The following SIPA1L1 variants were observed in gnomAD, a reference collection of about 807,000 sequenced individuals.
SIPA1L1 encodes the protein signal-induced proliferation-associated 1-like protein 1.
In SIPA1L1, 26 loss-of-function variants were observed where a neutral mutation model predicts 162.7. The ratio of observed to expected loss-of-function variants is 0.16; its 90% CI spans 0.12 to 0.22. The LOEUF is 0.22. Among genes scored for constraint, SIPA1L1 ranks in the 10% least tolerant of loss-of-function variants. SIPA1L1 has a pLI of 1.00. For missense variants in SIPA1L1, 1,874 were observed against 2,241.0 expected (o/e 0.84, Z 3.31); for synonymous variants, 829 against 837.4 (o/e 0.99, Z 0.17).
intron 14 of SIPA1L1, among the ~76,000 whole-genome samples, chr14:71,700,804 C>T (rs2082028872): frequency 6.6e-6 from 1 of 151,842 alleles, no homozygotes. Context: ...ATCATCCTGG[C>T]TAACATGGTG....
At position 71,587,967 on chromosome 14, in the gene SIPA1L1, A is replaced by G. The variant is rs1459966410; in HGVS notation, c.95A>G (p.Asp32Gly). ...GACGGCACCCCCAAAGTCCACACTG[A>G]TGATTTCTACATGCGGCGCTTCCGG... ...GTDGTPKVHT[D>G]DFYMRRFRSQ... Residue 32 changes from aspartate to glycine, a missense_variant, in exon 5 of 24, where the codon GAT (aspartate) becomes GGT (glycine). Transcript: ENST00000381232. The G allele has an allele frequency of 1.2e-6, 2 of 1,614,130 alleles. No individual in the cohort carries two copies. Among genetic ancestry groups the G allele is most frequent in the Non-Finnish European group, 8.5e-7 (1 of 1,179,986 alleles).
chr14:71,476,352 G>A (rs964894407), intron 2 of SIPA1L1, among the ~76,000 whole-genome samples: 1 of 152,104 alleles, frequency 6.6e-6, no homozygotes, highest in Non-Finnish European at 1.5e-5. Context: ...AAGAACTGTT[G>A]GGCTCTGTTG....
intron 2 of SIPA1L1, among the ~76,000 whole-genome samples, chr14:71,427,215 A>C (rs1307106509): frequency 6.6e-6 from 1 of 151,612 alleles, no homozygotes; most frequent in Non-Finnish European, 1.5e-5. Context: ...AGACGGGTCT[A>C]ATGGTAGTCA....
At chr14:71,569,038 C>A (rs2031380679) in intron 4 of SIPA1L1, among the ~76,000 whole-genome samples, 1 of 152,098 alleles carries the variant, frequency 6.6e-6, no homozygotes, top group Non-Finnish European at 1.5e-5. Flanking sequence ...CAATAGTTTT[C>A]AGTTTTATCG....
intron 2 of SIPA1L1, among the ~76,000 whole-genome samples, chr14:71,397,367 AC>A (rs2041287306): frequency 6.6e-6 from 1 of 152,000 alleles, no homozygotes; most frequent in Non-Finnish European, 1.5e-5. Context: ...GTCATGTCTC[AC>A]CTAAAAAATT....
chr14:71,466,090 A>G (rs1011440884), intron 2 of SIPA1L1, among the ~76,000 whole-genome samples: 2 of 152,162 alleles, frequency 1.3e-5, no homozygotes, highest in Non-Finnish European at 2.9e-5. Context: ...CTTCAATCCA[A>G]TCAAGTTGAC....
intron 2 of SIPA1L1, among the ~76,000 whole-genome samples, chr14:71,480,073 G>T (rs1159411732): frequency 6.7e-6 from 1 of 149,672 alleles, no homozygotes; most frequent in Non-Finnish European, 1.5e-5. Flanking sequence ...TTAGACTAGT[G>T]TTTTTTTTGT....
At chr14:71,704,635 C>A in intron 15 of SIPA1L1, 1 of 911,494 alleles carries the variant, frequency 1.1e-6, no homozygotes, top group Non-Finnish European at 1.8e-6. Flanking sequence ...CTTTTGGAAC[C>A]CCATCTTGAA....
At chr14:71,485,157 A>G (rs527431532) in intron 2 of SIPA1L1, among the ~76,000 whole-genome samples, 1 of 152,362 alleles carries the variant, frequency 6.6e-6, no homozygotes, top group Non-Finnish European at 1.5e-5. Flanking sequence ...GTTGCCATAA[A>G]GCAGCTCTAC....
chr14:71,332,345 A>G (rs944037032), intron 2 of SIPA1L1, among the ~76,000 whole-genome samples: 1 of 152,104 alleles, frequency 6.6e-6, no homozygotes, highest in Non-Finnish European at 1.5e-5. Context: ...GCCCTTGTCA[A>G]TGTTCTGTTC....
chr14:71,465,665 C>T (rs8006582), intron 2 of SIPA1L1, among the ~76,000 whole-genome samples: 12,695 of 152,224 alleles, frequency 0.083, 722 homozygotes, highest in Middle Eastern at 0.26. Context: ...GAACTCCATC[C>T]TTAACATTCT....
intron 2 of SIPA1L1, among the ~76,000 whole-genome samples, chr14:71,355,692 A>G (rs1371300651): frequency 6.6e-6 from 1 of 152,224 alleles, no homozygotes; most frequent in East Asian, 1.9e-4. Context: ...CTTGCATGGC[A>G]GAGGTGATGA....
intron 2 of SIPA1L1, among the ~76,000 whole-genome samples, chr14:71,474,110 C>A (rs1388331207): frequency 6.6e-6 from 1 of 152,166 alleles, no homozygotes; most frequent in Non-Finnish European, 1.5e-5. Flanking sequence ...ATTAAAGCAA[C>A]AGCTGCAAAA....
chr14:71,513,458 A>G (rs761608753), intron 3 of SIPA1L1, among the ~76,000 whole-genome samples: 9 of 152,120 alleles, frequency 5.9e-5, no homozygotes, highest in South Asian at 2.1e-4. Flanking sequence ...AGACAGACAT[A>G]CAGACATGGA....
At chr14:71,416,529 T>G (rs2042773481) in intron 2 of SIPA1L1, among the ~76,000 whole-genome samples, 1 of 152,042 alleles carries the variant, frequency 6.6e-6, no homozygotes, top group African/African-American at 2.4e-5. Flanking sequence ...GGTGGGAGAT[T>G]CTTCTGTTAT....
intron 2 of SIPA1L1, among the ~76,000 whole-genome samples, chr14:71,474,725 T>G (rs1029778403): frequency 1.3e-5 from 2 of 152,216 alleles, no homozygotes; most frequent in African/African-American, 4.8e-5. Context: ...CTCCCCTGAT[T>G]GGTATCTTCG....
chr14:71,453,017 C>T (rs1270717694), intron 2 of SIPA1L1, among the ~76,000 whole-genome samples: 1 of 152,144 alleles, frequency 6.6e-6, no homozygotes, highest in Non-Finnish European at 1.5e-5. Flanking sequence ...AATTTTGCTG[C>T]TTGATGATCC....
intron 10 of SIPA1L1, among the ~76,000 whole-genome samples, chr14:71,669,704 C>T (rs138300849): frequency 1.4e-3 from 209 of 152,210 alleles, no homozygotes; most frequent in Non-Finnish European, 2.5e-3. Flanking sequence ...ATTCTCTCCT[C>T]CAGTTAGAAA....
At position 71,592,668 on chromosome 14, in the gene SIPA1L1, A is replaced by C. The variant is rs79068542; in HGVS notation, c.1498+3298A>C. Among the ~76,000 whole-genome samples the C allele has an allele frequency of 3.1e-3, 468 of 152,340 alleles. 3 individuals carry two copies. The highest frequency in any genetic ancestry group is 0.017 in the Middle Eastern group (5 of 294). On this transcript the variant is annotated intron_variant, in intron 5 of 23. Coordinates refer to ENST00000381232, the MANE Select transcript of SIPA1L1 (RefSeq NM_001386936.1). ...TGGAGGGGGAGTACTTTACTAAAGT[A>C]TGCTATACAGCTGATATTATATGTA...
Sources: allele counts gnomAD v4.1 joint callset (sites outside exome capture counted in the v4.1 genomes callset), GRCh38; gene constraint gnomAD v4.1.1; transcripts MANE v1.5; gene names NCBI Gene and HGNC (gene_info 2026-07-23, HGNC 2026-07-21).